Variants in WDR49 observed in about 807,000 individuals in gnomAD.
WDR49 encodes cilia- and flagella-associated protein 337.
A neutral mutation model predicts 119.5 loss-of-function variants in WDR49; 107 were observed. The observed-to-expected ratio is 0.90, with a 90% CI of 0.77 to 1.05. WDR49 has a LOEUF of 1.05. WDR49 is among the 50% of genes least tolerant of loss of function. The pLI is 0.00. For synonymous variants in WDR49, 425 were observed against 418.8 expected (o/e 1.01, Z -0.18); for missense variants, 1,240 against 1,220.5 (o/e 1.02, Z -0.24).
Position 167,522,335 on chromosome 3 carries a change from GT to G in WDR49, c.2753del (p.Asn918ThrfsTer15), listed in dbSNP as rs1752480766. The G allele has an allele frequency of 1.3e-6, 2 of 1,585,260 alleles. No individual in the cohort carries two copies. The highest frequency in any genetic ancestry group is 2.0e-5 in the Admixed American group (1 of 50,902). On this transcript the variant is annotated frameshift_variant, in exon 16 of 19. Transcript: ENST00000682715. LOFTEE classifies it high-confidence loss of function. Reference sequence around the variant, plus strand: ...CTTACTTGTATGTTGAGTCATCTTTGTTTTTCTTATTAAGTAGAGAATGTTC... The same window carrying G: ...CTTACTTGTATGTTGAGTCATCTTTGTTTTCTTATTAAGTAGAGAATGTTC... The part of the protein sequence containing the change: ...PTEHSLLNKK[N>X]KDDSTYNVRP...
At chr3:167,523,910 TCAGTAATGG>T (rs1391567259) in intron 15 of WDR49, among the ~76,000 whole-genome samples, 3 of 152,106 alleles carry the variant, frequency 2.0e-5, no homozygotes, top group Non-Finnish European at 4.4e-5. Flanking sequence ...GAGTATATAT[TCAGTAATGG>T]GATTCCTGAA....
At chr3:167,612,804 AG>A (rs1020175165) in intron 5 of WDR49, among the ~76,000 whole-genome samples, 4 of 152,206 alleles carry the variant, frequency 2.6e-5, no homozygotes, top group African/African-American at 7.2e-5. Context: ...AGGCACAAAA[AG>A]ACAAACATTG....
rs201380499 is a variant in WDR49 at position 167,536,772 on chromosome 3, A to T, written c.1954+98T>A. The T allele has an allele frequency of 6.2e-3, 2,825 of 458,236 alleles. 12 individuals are homozygous for T. Among genetic ancestry groups the T allele is most frequent in the Middle Eastern group, 7.7e-3 (11 of 1,426 alleles). The allele number at this position is 458,236 out of a possible 1,614,324, so 28.4% of individuals were successfully genotyped here. The stretch of plus-strand genomic sequence containing the variant: ...ATACATATACATATATATATATATA[A>T]AACAACTGAGAAAAAGCTTTTCTAA... On this transcript the variant is annotated intron_variant, in intron 11 of 18. Coordinates refer to ENST00000682715, the MANE Select transcript of WDR49 (RefSeq NM_001366157.1).
intron 16 of WDR49, among the ~76,000 whole-genome samples, chr3:167,519,780 C>A (rs1453911355): frequency 6.6e-6 from 1 of 151,868 alleles, no homozygotes; most frequent in African/African-American, 2.4e-5. Context: ...TACACATGTA[C>A]CCCAGAAATT....
intron 18 of WDR49, among the ~76,000 whole-genome samples, chr3:167,494,669 GAGAC>G (rs1751278052): frequency 6.6e-6 from 1 of 152,182 alleles, no homozygotes; most frequent in Non-Finnish European, 1.5e-5. Flanking sequence ...ATTCGACTGA[GAGAC>G]TCTCTCATGG....
At chr3:167,519,292 T>C (rs540998705) in intron 16 of WDR49, among the ~76,000 whole-genome samples, 15 of 152,166 alleles carry the variant, frequency 9.9e-5, no homozygotes, top group Non-Finnish European at 1.8e-4. Flanking sequence ...ACTGGGTATA[T>C]ACCCAAAGGA....
intron 16 of WDR49, among the ~76,000 whole-genome samples, chr3:167,513,581 T>C (rs2108222579): frequency 6.6e-6 from 1 of 152,268 alleles, no homozygotes; most frequent in Middle Eastern, 3.4e-3. Flanking sequence ...GCCAGCATCA[T>C]GGAGACAAAA....
chr3:167,639,067 G>C (rs1464332262), intron 2 of WDR49, among the ~76,000 whole-genome samples: 1 of 151,656 alleles, frequency 6.6e-6, no homozygotes, highest in Admixed American at 6.6e-5. Context: ...TACTTCTAAA[G>C]TGATGCTTAT....
chr3:167,564,035 G>C, intron 8 of WDR49, among the ~76,000 whole-genome samples: 1 of 152,154 alleles, frequency 6.6e-6, no homozygotes, highest in African/African-American at 2.4e-5. Flanking sequence ...ATTCACCACT[G>C]TTATCTAACG....
intron 3 of WDR49, 125 bp downstream of exon 3, chr3:167,626,727 C>T: frequency 1.4e-6 from 1 of 705,236 alleles, no homozygotes. Context: ...ACTACCTGTT[C>T]TCCCTCCAGG....
intron 9 of WDR49, among the ~76,000 whole-genome samples, chr3:167,558,455 G>A (rs1169257373): frequency 1.3e-5 from 2 of 152,130 alleles, no homozygotes; most frequent in Admixed American, 6.5e-5. Flanking sequence ...CCTGATTTAT[G>A]TATCCTACAC....
At chr3:167,616,180 G>T (rs192750579) in intron 5 of WDR49, among the ~76,000 whole-genome samples, 4 of 152,164 alleles carry the variant, frequency 2.6e-5, no homozygotes, top group African/African-American at 9.7e-5. Context: ...CTTGCAGCTG[G>T]TAAAGGGTTG....
At chr3:167,630,479 G>A (rs1717323612) in intron 2 of WDR49, among the ~76,000 whole-genome samples, 2 of 152,050 alleles carry the variant, frequency 1.3e-5, no homozygotes, top group South Asian at 4.1e-4. Flanking sequence ...GCAGTGGTCT[G>A]GAACCAAATC....
chr3:167,574,674 T>C (rs1714139752), intron 8 of WDR49, among the ~76,000 whole-genome samples: 1 of 152,202 alleles, frequency 6.6e-6, no homozygotes, highest in South Asian at 2.1e-4. Context: ...CAGATCTTCT[T>C]TGTGTCTAAT....
At chr3:167,496,564 C>T (rs1034980814) in intron 18 of WDR49, among the ~76,000 whole-genome samples, 3 of 152,072 alleles carry the variant, frequency 2.0e-5, no homozygotes, top group Non-Finnish European at 4.4e-5. Flanking sequence ...TTCATGTGTT[C>T]CCATAGGATG....
intron 11 of WDR49, among the ~76,000 whole-genome samples, chr3:167,534,144 G>A (rs149096594): frequency 2.2e-4 from 34 of 151,866 alleles, no homozygotes; most frequent in African/African-American, 7.2e-4. Flanking sequence ...GCAGTGAGCC[G>A]AGATTACACC....
chr3:167,639,293 T>C (rs535146249), intron 2 of WDR49, among the ~76,000 whole-genome samples: 1 of 151,858 alleles, frequency 6.6e-6, no homozygotes, highest in South Asian at 2.1e-4. Flanking sequence ...ATTAATACCA[T>C]GTTGGAGCTA....
chr3:167,604,227 G>A, intron 6 of WDR49, 74 bp downstream of exon 6: 1 of 1,532,306 alleles, frequency 6.5e-7, no homozygotes, highest in Non-Finnish European at 8.8e-7. Flanking sequence ...AGGTAGCAAA[G>A]GCTCCATGCA....
chr3:167,552,497 G>T (rs1287953268), intron 10 of WDR49, among the ~76,000 whole-genome samples: 1 of 152,024 alleles, frequency 6.6e-6, no homozygotes, highest in African/African-American at 2.4e-5. Flanking sequence ...TGTGTGAAGA[G>T]GGAGAACCAG....
Sources: gnomAD v4.1 joint callset for allele counts (sites outside exome capture counted in the v4.1 genomes callset) on GRCh38, gnomAD v4.1.1 for gene constraint, MANE v1.5 for transcripts, NCBI Gene and HGNC (gene_info 2026-07-23, HGNC 2026-07-21) for gene names.